Variants in EXT1 observed in about 807,000 individuals in gnomAD.
EXT1 encodes the protein exostosin glycosyltransferase 1.
Under a neutral mutation model 82.5 loss-of-function variants are expected in EXT1, and 20 were observed. The observed-to-expected ratio is 0.24, with a 90% CI of 0.17 to 0.35. The LOEUF is 0.35. Among genes scored for constraint, EXT1 ranks in the 10% least tolerant of loss-of-function variants. EXT1 has a pLI of 1.00. For synonymous variants in EXT1, 348 were observed against 350.8 expected (o/e 0.99, Z 0.09); for missense variants, 757 against 936.5 (o/e 0.81, Z 2.50).
intron 1 of EXT1, among the ~76,000 whole-genome samples, chr8:117,947,757 T>TG (rs947378249): frequency 2.6e-5 from 4 of 152,138 alleles, no homozygotes; most frequent in African/African-American, 9.7e-5. Context: ...CAAAGTCTAA[T>TG]GGGGGATACA....
intron 1 of EXT1, among the ~76,000 whole-genome samples, chr8:117,908,247 C>T (rs752458594): frequency 6.6e-6 from 1 of 152,124 alleles, no homozygotes; most frequent in African/African-American, 2.4e-5. Flanking sequence ...ACTGCATTTA[C>T]AAAGAATAAA....
chr8:117,916,180 C>T (rs1208693647), intron 1 of EXT1, among the ~76,000 whole-genome samples: 2 of 152,192 alleles, frequency 1.3e-5, no homozygotes, highest in Admixed American at 1.3e-4. Flanking sequence ...AGCTGTCATC[C>T]TCTTGTGTGA....
chr8:117,869,760 T>C (rs984518001), intron 1 of EXT1, among the ~76,000 whole-genome samples: 2 of 152,016 alleles, frequency 1.3e-5, no homozygotes, highest in African/African-American at 4.8e-5. Flanking sequence ...AAGGGTGGAG[T>C]TCAAATTCCT....
intron 1 of EXT1, among the ~76,000 whole-genome samples, chr8:117,874,591 A>AAAAAAAAAAAAAAAAAAAAAAAAAC (rs1408516930): frequency 6.6e-6 from 1 of 151,142 alleles, no homozygotes; most frequent in Non-Finnish European, 1.5e-5. Flanking sequence ...AAAAAAAAAA[A>AAAAAAAAAAAAAAAAAAAAAAAAAC]AAGAACAATC....
At chr8:118,067,810 G>A (rs1332450027) in intron 1 of EXT1, among the ~76,000 whole-genome samples, 2 of 152,204 alleles carry the variant, frequency 1.3e-5, no homozygotes, top group Non-Finnish European at 2.9e-5. Flanking sequence ...TGACATTTGT[G>A]TTGATTCATG....
At chr8:117,960,052 A>G (rs779362054) in intron 1 of EXT1, among the ~76,000 whole-genome samples, 10 of 152,134 alleles carry the variant, frequency 6.6e-5, no homozygotes, top group Non-Finnish European at 1.2e-4. Flanking sequence ...CTTTTGTAAA[A>G]ATACAAAAAT....
intron 1 of EXT1, among the ~76,000 whole-genome samples, chr8:117,859,178 C>T (rs1812637873): frequency 1.3e-5 from 2 of 152,180 alleles, no homozygotes; most frequent in Middle Eastern, 3.4e-3. Flanking sequence ...ATGTGATTTG[C>T]TTTATTGTGC....
At chr8:117,871,412 C>A (rs117476502) in intron 1 of EXT1, among the ~76,000 whole-genome samples, 8,988 of 152,264 alleles carry the variant, frequency 0.059, 396 homozygotes, top group Non-Finnish European at 0.087. Context: ...TCCTCATCCC[C>A]GTGAGGGGCT....
chr8:117,981,176 T>G (rs1815194914), intron 1 of EXT1, among the ~76,000 whole-genome samples: 1 of 152,172 alleles, frequency 6.6e-6, no homozygotes, highest in Admixed American at 6.5e-5. Flanking sequence ...CAACTATCTC[T>G]TTATATGAAG....
chr8:118,004,989 C>T (rs2129818913), intron 1 of EXT1, among the ~76,000 whole-genome samples: 1 of 152,274 alleles, frequency 6.6e-6, no homozygotes, highest in South Asian at 2.1e-4. Flanking sequence ...ATTTATTCTC[C>T]ACCCTGATCC....
chr8:117,896,858 C>T (rs1227420373), intron 1 of EXT1, among the ~76,000 whole-genome samples: 1 of 152,164 alleles, frequency 6.6e-6, no homozygotes, highest in Non-Finnish European at 1.5e-5. Flanking sequence ...CAGTGCCCCT[C>T]AATGAAGGGT....
At chr8:118,094,935 C>T (rs1817582744) in intron 1 of EXT1, among the ~76,000 whole-genome samples, 1 of 152,336 alleles carries the variant, frequency 6.6e-6, no homozygotes, top group South Asian at 2.1e-4. Flanking sequence ...CTCTTCTCTC[C>T]AGACAAAACT....
chr8:117,914,457 G>A (rs2129997319), intron 1 of EXT1, among the ~76,000 whole-genome samples: 1 of 152,266 alleles, frequency 6.6e-6, no homozygotes, highest in Middle Eastern at 3.4e-3. Context: ...ACAACCATAA[G>A]GTCTGACTGC....
At chr8:118,035,225 T>C (rs1191001566) in intron 1 of EXT1, among the ~76,000 whole-genome samples, 1 of 152,108 alleles carries the variant, frequency 6.6e-6, no homozygotes, top group Non-Finnish European at 1.5e-5. Context: ...CTCAATGTGG[T>C]TTGCTAGCCT....
At chr8:117,890,147 T>C (rs1158002453) in intron 1 of EXT1, among the ~76,000 whole-genome samples, 1 of 152,222 alleles carries the variant, frequency 6.6e-6, no homozygotes, top group Non-Finnish European at 1.5e-5. Flanking sequence ...TGTGCTGACT[T>C]ACATACAGTA....
chr8:117,811,599 C>T (rs1175792276), intron 8 of EXT1, among the ~76,000 whole-genome samples: 4 of 151,842 alleles, frequency 2.6e-5, no homozygotes, highest in Non-Finnish European at 5.9e-5. Context: ...TCTGATGGCA[C>T]CTTGAAAGCA....
chr8:117,900,682 C>T (rs1257362432), intron 1 of EXT1, among the ~76,000 whole-genome samples: 1 of 152,158 alleles, frequency 6.6e-6, no homozygotes, highest in Non-Finnish European at 1.5e-5. Context: ...AGGCATGGGG[C>T]CAGCCAGAGA....
chr8:117,827,038 A>G (rs1490315645), intron 4 of EXT1, among the ~76,000 whole-genome samples: 1 of 152,244 alleles, frequency 6.6e-6, no homozygotes, highest in Non-Finnish European at 1.5e-5. Context: ...TTCATCTGGC[A>G]AATCAGCAAA....
chr8:118,099,482 A>G (rs1044471089), intron 1 of EXT1, among the ~76,000 whole-genome samples: 6 of 152,238 alleles, frequency 3.9e-5, no homozygotes, highest in African/African-American at 1.4e-4. Context: ...AATCCAAGTG[A>G]TACTCTAGAA....
Sources: gnomAD v4.1 joint callset for allele counts (sites outside exome capture counted in the v4.1 genomes callset) on GRCh38, gnomAD v4.1.1 for gene constraint, MANE v1.5 for transcripts, NCBI Gene and HGNC (gene_info 2026-07-23, HGNC 2026-07-21) for gene names.